The following C12orf42 variants were observed in gnomAD, a reference collection of about 807,000 sequenced individuals.
The protein encoded by C12orf42 is uncharacterized protein C12orf42.
A neutral mutation model predicts 21.6 loss-of-function variants in C12orf42; 25 were observed. That is an observed-to-expected ratio of 1.16 (90% CI 0.84 to 1.62). C12orf42 has a LOEUF of 1.62. Ranked by LOEUF, C12orf42 falls within the 40% of genes most tolerant of loss-of-function variation. C12orf42 has a pLI of 0.00. For missense variants in C12orf42, 483 were observed against 459.3 expected (o/e 1.05, Z -0.47); for synonymous variants, 174 against 175.0 (o/e 0.99, Z 0.05).
rs78923684 is a variant in C12orf42 at position 103,289,580 on chromosome 12, A to G, written n.338-12370T>C. Among the ~76,000 whole-genome samples, 496 of 152,310 alleles carry G rather than the reference A, an allele frequency of 3.3e-3. 4 individuals carry two copies. Among genetic ancestry groups the G allele is most frequent in the African/African-American group, 0.011 (473 of 41,576 alleles). On this transcript the variant is annotated intron_variant and non_coding_transcript_variant, in intron 4 of 6. Transcript: ENST00000546526. ...TATAGTGAAATTTGCAAATAATTAA[A>G]ATGTTCCAAAATAGCAAATTGGCTA...
intron 2 of C12orf42, among the ~76,000 whole-genome samples, chr12:103,434,032 G>A (rs1183074276): frequency 2.6e-5 from 4 of 152,132 alleles, no homozygotes; most frequent in Non-Finnish European, 5.9e-5. Context: ...AAACATGGCA[G>A]GTTTTGTTTT....
the C12orf42 span, among the ~76,000 whole-genome samples, chr12:103,218,134 G>A: frequency 3.3e-5 from 5 of 152,022 alleles, no homozygotes; most frequent in Non-Finnish European, 7.4e-5. Context: ...ACAAAAATTG[G>A]CTGAGTGTGG....
At chr12:103,326,985 CTTTAT>C (rs903493335) in intron 4 of C12orf42, among the ~76,000 whole-genome samples, 5 of 152,180 alleles carry the variant, frequency 3.3e-5, no homozygotes, top group African/African-American at 7.2e-5. Flanking sequence ...CTAGAAATTG[CTTTAT>C]TTTAAGAGTT....
At chr12:103,290,369 G>T (rs2036717961) in intron 4 of C12orf42, among the ~76,000 whole-genome samples, 1 of 152,146 alleles carries the variant, frequency 6.6e-6, no homozygotes, top group Non-Finnish European at 1.5e-5. Flanking sequence ...TGCCTGGAAG[G>T]ACCAGACAAT....
the C12orf42 span, among the ~76,000 whole-genome samples, chr12:103,099,667 A>T: frequency 0.022 from 3,378 of 152,314 alleles, 53 homozygotes; most frequent in African/African-American, 0.044. Flanking sequence ...TTAAAATATA[A>T]GGCATTTTTC....
the C12orf42 span, among the ~76,000 whole-genome samples, chr12:103,511,416 A>C: frequency 6.6e-6 from 1 of 151,306 alleles, no homozygotes; most frequent in African/African-American, 2.4e-5. Context: ...CATAAAATAC[A>C]TGTTATATAT....
chr12:103,101,959 G>T, the C12orf42 span, among the ~76,000 whole-genome samples: 1 of 152,200 alleles, frequency 6.6e-6, no homozygotes, highest in Non-Finnish European at 1.5e-5. Flanking sequence ...GGGCTGCATG[G>T]TACCAAGAGA....
chr12:103,171,663 A>G, the C12orf42 span, among the ~76,000 whole-genome samples: 1 of 152,130 alleles, frequency 6.6e-6, no homozygotes, highest in Non-Finnish European at 1.5e-5. Flanking sequence ...TTAGAGAGAC[A>G]GTGGTATTGA....
At chr12:103,204,377 CTGAGT>C in the C12orf42 span, among the ~76,000 whole-genome samples, 21 of 152,278 alleles carry the variant, frequency 1.4e-4, no homozygotes, top group South Asian at 3.7e-3. Context: ...CTGCCTCCTG[CTGAGT>C]TAATTTTTTT....
the C12orf42 span, among the ~76,000 whole-genome samples, chr12:103,078,916 C>T: frequency 2.0e-5 from 3 of 152,132 alleles, no homozygotes; most frequent in African/African-American, 7.2e-5. Context: ...CACACTAAAC[C>T]ACACCGGTGC....
intron 2 of C12orf42, among the ~76,000 whole-genome samples, chr12:103,402,507 G>A (rs979421550): frequency 4.6e-5 from 7 of 152,168 alleles, no homozygotes; most frequent in African/African-American, 1.7e-4. Context: ...TTGGTGTCAT[G>A]AAGGACAGAC....
the C12orf42 span, among the ~76,000 whole-genome samples, chr12:103,058,237 G>A: frequency 6.6e-6 from 1 of 152,174 alleles, no homozygotes; most frequent in African/African-American, 2.4e-5. Flanking sequence ...TTACAGGCAT[G>A]AGCCACCTTG....
At chr12:103,430,212 A>T (rs914927323) in intron 2 of C12orf42, among the ~76,000 whole-genome samples, 1 of 152,224 alleles carries the variant, frequency 6.6e-6, no homozygotes, top group Non-Finnish European at 1.5e-5. Context: ...AAATCTATCC[A>T]TCTGGCAAAG....
chr12:103,487,551 G>A (rs1954916870), intron 1 of C12orf42, among the ~76,000 whole-genome samples: 1 of 152,134 alleles, frequency 6.6e-6, no homozygotes, highest in African/African-American at 2.4e-5. Flanking sequence ...TATTAACAGT[G>A]GGGTGTTAAA....
chr12:103,536,733 TC>T, the C12orf42 span, among the ~76,000 whole-genome samples: 1 of 152,120 alleles, frequency 6.6e-6, no homozygotes, highest in South Asian at 2.1e-4. Flanking sequence ...TCTCCTTTTC[TC>T]CCTTTGCTCT....
At chr12:103,309,128 T>C (rs1389048623) in intron 4 of C12orf42, among the ~76,000 whole-genome samples, 1 of 152,186 alleles carries the variant, frequency 6.6e-6, no homozygotes, top group Non-Finnish European at 1.5e-5. Flanking sequence ...ATAGCAGCCC[T>C]AGAAAATGAT....
the C12orf42 span, among the ~76,000 whole-genome samples, chr12:103,530,349 G>A: frequency 6.6e-6 from 1 of 152,122 alleles, no homozygotes; most frequent in South Asian, 2.1e-4. Context: ...CGTGTGTTGG[G>A]GGCCAAGGCG....
At chr12:103,511,248 T>C in the C12orf42 span, among the ~76,000 whole-genome samples, 1 of 152,156 alleles carries the variant, frequency 6.6e-6, no homozygotes, top group East Asian at 1.9e-4. Flanking sequence ...TAAAAAATGC[T>C]AGTCTTATGA....
intron 1 of C12orf42, among the ~76,000 whole-genome samples, chr12:103,485,231 A>C (rs187151848): frequency 2.3e-3 from 354 of 152,132 alleles, no homozygotes; most frequent in African/African-American, 7.8e-3. Context: ...AATAGGGAAT[A>C]CTTTCCCCAT....
Sources: gnomAD v4.1 joint callset for allele counts (sites outside exome capture counted in the v4.1 genomes callset) on GRCh38, gnomAD v4.1.1 for gene constraint, MANE v1.5 for transcripts, NCBI Gene and HGNC (gene_info 2026-07-23, HGNC 2026-07-21) for gene names.